RAB3GAP1: variants seen among roughly 807,000 people sequenced by gnomAD.
RAB3GAP1 encodes the protein rab3 GTPase-activating protein catalytic subunit.
A neutral mutation model predicts 130.7 loss-of-function variants in RAB3GAP1; 86 were observed. That is an observed-to-expected ratio of 0.66 (90% CI 0.55 to 0.79). The LOEUF (loss-of-function observed/expected upper bound fraction) is 0.79, where lower values mean the gene tolerates loss of function less well. RAB3GAP1 is among the 30% of genes least tolerant of loss of function. RAB3GAP1 has a pLI of 0.00. For missense variants in RAB3GAP1, 1,029 were observed against 1,169.4 expected (o/e 0.88, Z 1.75); for synonymous variants, 367 against 401.7 (o/e 0.91, Z 1.03).
intron 5 of RAB3GAP1, among the ~76,000 whole-genome samples, chr2:135,105,505 A>T (rs1020736389): frequency 6.6e-6 from 1 of 152,014 alleles, no homozygotes; most frequent in Non-Finnish European, 1.5e-5. Context: ...AGGTGCCGGG[A>T]TTGCAGACGG....
At chr2:135,097,614 A>G (rs1421831416) in intron 5 of RAB3GAP1, among the ~76,000 whole-genome samples, 1 of 152,094 alleles carries the variant, frequency 6.6e-6, no homozygotes, top group African/African-American at 2.4e-5. Flanking sequence ...ATAGAATTCT[A>G]CTGTATGTAA....
chr2:135,168,947 G>A lies in RAB3GAP1; in HGVS notation c.*166G>A, dbSNP rs1692755478. ...GACTTCCCAGCACCAAGCTTGAGCT[G>A]TGTCGTTTCGTGGAGGGGGCAGCGA... On this transcript the variant is annotated 3_prime_UTR_variant, in exon 24 of 24. Coordinates refer to ENST00000264158, the MANE Select transcript of RAB3GAP1 (RefSeq NM_012233.3). 2 of 683,434 alleles carry A rather than the reference G, an allele frequency of 2.9e-6. No individual in the cohort carries two copies. Among genetic ancestry groups the A allele is most frequent in the Admixed American group, 2.1e-5 (1 of 47,702 alleles). 42.3% of individuals were successfully genotyped at this position (683,434 alleles called of 1,614,324 possible).
At chr2:135,166,552 T>C (rs1420519484) in intron 23 of RAB3GAP1, among the ~76,000 whole-genome samples, 1 of 152,124 alleles carries the variant, frequency 6.6e-6, no homozygotes, top group Non-Finnish European at 1.5e-5. Context: ...TCTCACTTTG[T>C]TGCCCAGGCT....
chr2:135,061,493 AT>A (rs1203838600), intron 3 of RAB3GAP1, among the ~76,000 whole-genome samples: 1 of 152,102 alleles, frequency 6.6e-6, no homozygotes, highest in Non-Finnish European at 1.5e-5. Flanking sequence ...TGTGCTTTTA[AT>A]TTATATTTCT....
intron 18 of RAB3GAP1, among the ~76,000 whole-genome samples, chr2:135,150,972 C>CT (rs1692157765): frequency 6.6e-6 from 1 of 152,040 alleles, no homozygotes. Context: ...CATGAGTTCT[C>CT]TTATGGAGGC....
chr2:135,120,853 T>C lies in RAB3GAP1; in HGVS notation c.683T>C (p.Ile228Thr), dbSNP rs895966801. Reference protein sequence around the residue: ...CPLTPLPPVSIAIRFTYVLQD... With the variant: ...CPLTPLPPVSTAIRFTYVLQD... ...TTAACTCCATTGCCTCCAGTTAGTATTGCTATTCGATTTACCTATGTACTT... is the reference window on the plus strand; with the variant it reads ...TTAACTCCATTGCCTCCAGTTAGTACTGCTATTCGATTTACCTATGTACTT... Residue 228 changes from isoleucine to threonine, a missense_variant, in exon 8 of 24, where the codon ATT (isoleucine) becomes ACT (threonine). Transcript: ENST00000264158. The C allele has an allele frequency of 6.2e-7, 1 of 1,613,270 alleles. No individual in the cohort carries two copies. Among genetic ancestry groups the C allele is most frequent in the Non-Finnish European group, 8.5e-7 (1 of 1,179,218 alleles).
At chr2:135,174,922 A>ACGTGCCCTAT (rs1462856895), downstream of RAB3GAP1, among the ~76,000 whole-genome samples, 1 of 152,106 alleles carries the variant, frequency 6.6e-6, no homozygotes, top group Non-Finnish European at 1.5e-5. Flanking sequence ...CTGGGTTGGG[A>ACGTGCCCTAT]CGTGCCCTAT....
chr2:135,141,516 G>A (rs565459269), intron 17 of RAB3GAP1, among the ~76,000 whole-genome samples: 28 of 152,114 alleles, frequency 1.8e-4, no homozygotes, highest in Admixed American at 1.2e-3. Context: ...GAGCCACCGC[G>A]CCTGGCCTGT....
chr2:135,161,837 G>A (rs1692474681), intron 19 of RAB3GAP1, among the ~76,000 whole-genome samples: 1 of 152,092 alleles, frequency 6.6e-6, no homozygotes, highest in South Asian at 2.1e-4. Context: ...ACGAAAATGT[G>A]GTTTTGGGGA....
In RAB3GAP1 at chr2:135,058,138, A is replaced by G. The variant is rs761908086; in HGVS notation, c.150+52A>G. 6 of 1,457,720 alleles carry G rather than the reference A, an allele frequency of 4.1e-6. No individual in the cohort carries two copies. The East Asian group carries it at 6.8e-5, about 17-fold the overall frequency. The allele number at this position is 1,457,720 out of a possible 1,614,324, so 90.3% of individuals were successfully genotyped here. ...AATGACTATTTACTTTGAAACCTCT[A>G]TTTTCCAGCCCTTTGCTGCATTTGG... On this transcript the variant is annotated intron_variant, in intron 3 of 23. Coordinates refer to ENST00000264158, the MANE Select transcript of RAB3GAP1 (RefSeq NM_012233.3).
chr2:135,168,749 G>C lies in RAB3GAP1; in HGVS notation c.2914G>C (p.Gly972Arg). ...CACCAAAGAGGACTTTAGACTTGCA[G>C]GTGCCTTTTCATCAGATACTTCCTT... ...VLTKEDFRLA[G>R]AFSSDTSFF Residue 972 changes from glycine (G) to arginine (R), a missense_variant, in exon 24 of 24, where the codon GGT (glycine) becomes CGT (arginine). Gly to Arg is a moderately radical substitution (Grantham distance 125). Transcript: ENST00000264158. 2 of 1,614,136 alleles carry C rather than the reference G, an allele frequency of 1.2e-6. No individual in the cohort carries two copies.
At chr2:135,065,655 T>C (rs1447681883) in intron 3 of RAB3GAP1, among the ~76,000 whole-genome samples, 1 of 152,202 alleles carries the variant, frequency 6.6e-6, no homozygotes, top group African/African-American at 2.4e-5. Context: ...TGTACCAATG[T>C]TGTGACAATG....
intron 3 of RAB3GAP1, among the ~76,000 whole-genome samples, chr2:135,067,763 G>A (rs1201481053): frequency 6.6e-6 from 1 of 152,312 alleles, no homozygotes; most frequent in South Asian, 2.1e-4. Context: ...GGGTCTTGCT[G>A]TTACCCACGC....
At chr2:135,058,204 A>G (rs1337506288) in intron 3 of RAB3GAP1, 118 bp downstream of exon 3, 10 of 820,364 alleles carry the variant, frequency 1.2e-5, no homozygotes, top group Non-Finnish European at 1.6e-5. Flanking sequence ...CGTATAATCT[A>G]TAAACATCAA....
At chr2:135,065,834 G>A (rs1325498447) in intron 3 of RAB3GAP1, among the ~76,000 whole-genome samples, 7 of 147,590 alleles carry the variant, frequency 4.7e-5, no homozygotes, top group African/African-American at 1.3e-4. Flanking sequence ...GCAGTTGCGC[G>A]ATCTCGGCTC....
At chr2:135,062,846 T>C (rs574898627) in intron 3 of RAB3GAP1, among the ~76,000 whole-genome samples, 15 of 152,366 alleles carry the variant, frequency 9.8e-5, no homozygotes, top group African/African-American at 3.4e-4. Context: ...AGTACATAGA[T>C]ACATGGTAAA....
intron 16 of RAB3GAP1, 61 bp downstream of exon 16, chr2:135,135,380 C>A: frequency 6.6e-7 from 1 of 1,507,794 alleles, no homozygotes; most frequent in Non-Finnish European, 9.2e-7. Flanking sequence ...TATTCTAATA[C>A]TAAATGTAAT....
rs1017222947 is a variant in RAB3GAP1 at position 135,170,008 on chromosome 2, A to ATG, written c.*1240_*1241dup. ...AAAAAAATACATATCTATATATAAT[A>ATG]TGTGTGTGTGTGTGACATATGCACA... On this transcript the variant is annotated 3_prime_UTR_variant, in exon 24 of 24. Coordinates refer to ENST00000264158, the MANE Select transcript of RAB3GAP1 (RefSeq NM_012233.3). 6.4e-5 allele frequency: 16 copies of ATG among 250,718 alleles called. No homozygotes were observed. Among genetic ancestry groups the ATG allele is most frequent in the African/African-American group, 1.2e-4 (5 of 43,412 alleles). 15.5% of individuals were successfully genotyped at this position (250,718 alleles called of 1,614,324 possible).
chr2:135,052,558 A>T, intron 2 of RAB3GAP1, 73 bp downstream of exon 2: 2 of 1,551,800 alleles, frequency 1.3e-6, no homozygotes, highest in Non-Finnish European at 1.8e-6. Flanking sequence ...CTGACCCCAG[A>T]CACACCACAA....
Sources: gnomAD v4.1 joint callset for allele counts (sites outside exome capture counted in the v4.1 genomes callset) on GRCh38, gnomAD v4.1.1 for gene constraint, MANE v1.5 for transcripts, NCBI Gene and HGNC (gene_info 2026-07-23, HGNC 2026-07-21) for gene names.